The following TAX1BP1 variants were observed in gnomAD, a reference collection of about 807,000 sequenced individuals.
TAX1BP1 encodes Tax1 binding protein 1, also known as tax1-binding protein 1.
Under a neutral mutation model 97.7 loss-of-function variants are expected in TAX1BP1, and 62 were observed. The observed-to-expected ratio is 0.63, with a 90% CI of 0.52 to 0.78. TAX1BP1 has a LOEUF of 0.78. Ranked by LOEUF, TAX1BP1 falls within the 30% of genes least tolerant of loss-of-function variation. TAX1BP1 has a pLI of 0.00. For missense variants in TAX1BP1, 867 were observed against 916.1 expected, an observed-to-expected ratio of 0.95 and a Z score of 0.69; for synonymous variants, 340 against 304.2, an observed-to-expected ratio of 1.12 and a Z score of -1.23.
chr7:27,748,568 C>T lies in TAX1BP1; in HGVS notation c.44C>T (p.Ala15Val). 1 of 1,603,594 alleles carries T rather than the reference C, an allele frequency of 6.2e-7. No homozygotes were observed. The highest frequency in any genetic ancestry group is 8.5e-7 in the Non-Finnish European group (1 of 1,174,176). The change falls in exon 2 of 17, where the codon GCC becomes GTC. Residue 15 changes from alanine to valine, a missense_variant. Ala to Val is a moderately conservative substitution (Grantham distance 64). Coordinates refer to ENST00000396319, the MANE Select transcript of TAX1BP1 (RefSeq NM_006024.7). ...QEVPLQTSNF[A>V]HVIFQNVAKS... Reference sequence around the variant, plus strand: ...GTCCCATTGCAGACTTCCAACTTTGCCCATGTCATCTTTCAAAATGTGGCC... The same window carrying T: ...GTCCCATTGCAGACTTCCAACTTTGTCCATGTCATCTTTCAAAATGTGGCC...
intron 13 of TAX1BP1, among the ~76,000 whole-genome samples, chr7:27,809,707 G>A: frequency 6.6e-6 from 1 of 151,994 alleles, no homozygotes; most frequent in Non-Finnish European, 1.5e-5. Context: ...TGATGGTAGA[G>A]TAGGCATATT....
chr7:27,773,296 A>T (rs1438483532), intron 5 of TAX1BP1, among the ~76,000 whole-genome samples: 1 of 152,118 alleles, frequency 6.6e-6, no homozygotes, highest in Non-Finnish European at 1.5e-5. Flanking sequence ...CTTTATTGAG[A>T]TGTCATTTGT....
At chr7:27,796,599 C>A (rs954258316) in intron 12 of TAX1BP1, among the ~76,000 whole-genome samples, 5 of 152,172 alleles carry the variant, frequency 3.3e-5, no homozygotes, top group African/African-American at 1.2e-4. Flanking sequence ...CGGTGGCTCA[C>A]GCCTGTAATC....
rs777281718 is a variant in TAX1BP1, at chr7:27,828,842, A to G, written c.*13A>G. 3 of 1,286,770 alleles carry G rather than the reference A, an allele frequency of 2.3e-6. No homozygotes were observed. The highest frequency in any genetic ancestry group is 1.8e-5 in the Admixed American group (1 of 54,304). The allele number at this position is 1,286,770 out of a possible 1,614,324, so 79.7% of individuals were successfully genotyped here. A position where few individuals can be genotyped will look rare whatever the true frequency, so the allele number is the denominator to read the frequency against. ...AAATTTTGACTAGTTACTTTTTATTATGAGTTAATATAGTTTAGCAGTAAA... is the reference window on the plus strand; with the variant it reads ...AAATTTTGACTAGTTACTTTTTATTGTGAGTTAATATAGTTTAGCAGTAAA... On this transcript the variant is annotated 3_prime_UTR_variant, in exon 17 of 17. Transcript: ENST00000396319.
rs1789450992 is a variant in TAX1BP1, at chr7:27,785,624, C to T, written c.852+135C>T. 6 of 711,266 alleles carry T rather than the reference C, an allele frequency of 8.4e-6. No individual in the cohort carries two copies. The South Asian group carries it at 1.2e-4, about 14-fold the overall frequency. The allele number at this position is 711,266 out of a possible 1,614,324, so 44.1% of individuals were successfully genotyped here. A position where few individuals can be genotyped will look rare whatever the true frequency, so the allele number is the denominator to read the frequency against. On this transcript the variant is annotated intron_variant, in intron 7 of 16. Coordinates refer to ENST00000396319, the MANE Select transcript of TAX1BP1 (RefSeq NM_006024.7). ...CTCTAGCCTCTTGTGTAGTTGCAGT[C>T]AGGATGTTGGCAAGGGGTGCAGTCA...
Position 27,785,194 on chromosome 7 carries a change from T to A in TAX1BP1, c.644T>A (p.Met215Lys). 1 of 1,611,216 alleles carries A rather than the reference T, an allele frequency of 6.2e-7. No homozygotes were observed. ...GLTEVTQSLK[M>K]ENEEFKKRFS... ...ACTGAAGTAACACAAAGCTTAAAAATGGAAAATGAAGAGTTTAAGAAGAGG... is the reference window on the plus strand; with the variant it reads ...ACTGAAGTAACACAAAGCTTAAAAAAGGAAAATGAAGAGTTTAAGAAGAGG... The change falls in exon 6 of 17, where the codon ATG becomes AAG. Residue 215 changes from methionine (M) to lysine (K), a missense_variant. By Grantham distance (95) the Met-to-Lys change is moderately conservative. Around this residue, in one of 3 missense-constraint regions of TAX1BP1, gnomAD observed 822 missense variants for 851.4 expected, o/e 0.97. Coordinates refer to ENST00000396319, the MANE Select transcript of TAX1BP1 (RefSeq NM_006024.7).
intron 13 of TAX1BP1, among the ~76,000 whole-genome samples, chr7:27,810,620 G>A (rs1415589395): frequency 6.6e-6 from 1 of 152,150 alleles, no homozygotes; most frequent in East Asian, 1.9e-4. Context: ...TTGTATGACA[G>A]ATTTGACACA....
Position 27,816,491 on chromosome 7 carries a change from G to T in TAX1BP1, c.1907G>T (p.Gly636Val). ...LSNAQPVLQY[G>V]NPYASQETRD... is the part of the protein sequence containing the mutation. ...AATGCACAACCAGTTCTGCAATATG[G>T]TAATCCTTATGCATCTCAGGAAACA... Residue 636 changes from glycine to valine, a missense_variant, in exon 14 of 17, where the codon GGT becomes GTT. Around this residue, in one of 3 missense-constraint regions of TAX1BP1, gnomAD observed 822 missense variants for 851.4 expected, o/e 0.97. Transcript: ENST00000396319. 6.4e-7 allele frequency: 1 copy of T among 1,551,970 alleles called. No homozygotes were observed. The highest frequency in any genetic ancestry group is 2.4e-5 in the East Asian group (1 of 41,386).
At chr7:27,809,954 C>T (rs1790490641) in intron 13 of TAX1BP1, among the ~76,000 whole-genome samples, 1 of 151,766 alleles carries the variant, frequency 6.6e-6, no homozygotes, top group Non-Finnish European at 1.5e-5. Context: ...GTCACCTAGG[C>T]TGGAGTGCAG....
At chr7:27,812,356 G>T (rs569943630) in intron 13 of TAX1BP1, among the ~76,000 whole-genome samples, 19 of 152,014 alleles carry the variant, frequency 1.2e-4, no homozygotes, top group Admixed American at 8.5e-4. Flanking sequence ...GTCATCTTTG[G>T]TTGCGACAGT....
intron 10 of TAX1BP1, among the ~76,000 whole-genome samples, chr7:27,793,689 A>G (rs138388128): frequency 2.0e-5 from 3 of 152,194 alleles, no homozygotes; most frequent in African/African-American, 4.8e-5. Context: ...TTTTTATTCC[A>G]TTTGAGAATA....
chr7:27,785,699 C>T (rs767626890), intron 7 of TAX1BP1, among the ~76,000 whole-genome samples: 23 of 152,116 alleles, frequency 1.5e-4, no homozygotes, highest in Non-Finnish European at 3.4e-4. Context: ...ATGGCTTACT[C>T]CAGTGGCTTT....
At chr7:27,820,317 C>T (rs546234150) in intron 15 of TAX1BP1, among the ~76,000 whole-genome samples, 7 of 152,152 alleles carry the variant, frequency 4.6e-5, no homozygotes, top group Admixed American at 6.6e-5. Flanking sequence ...CCCTAAACTG[C>T]AGACATTTTT....
intron 5 of TAX1BP1, among the ~76,000 whole-genome samples, chr7:27,781,910 G>A (rs1789273162): frequency 6.6e-6 from 1 of 151,854 alleles, no homozygotes; most frequent in Non-Finnish European, 1.5e-5. Flanking sequence ...GTAGAGACAG[G>A]GTTTCACCAT....
chr7:27,778,769 G>C lies in TAX1BP1; in HGVS notation c.613-6394G>C, dbSNP rs567877714. Among the ~76,000 whole-genome samples the C allele has an allele frequency of 3.3e-5, 5 of 151,882 alleles. No individual in the cohort carries two copies. In the South Asian group the frequency reaches 1.0e-3, roughly 32 times the overall value. On this transcript the variant is annotated intron_variant, in intron 5 of 16. Coordinates refer to ENST00000396319, the MANE Select transcript of TAX1BP1 (RefSeq NM_006024.7). ...TCCTGCTACTCGGGAGGCTGAGGTA[G>C]GAGAATTGCTTGAACCTGCGAGGTG...
chr7:27,808,555 ACT>A (rs768011858), intron 13 of TAX1BP1, among the ~76,000 whole-genome samples: 2 of 151,964 alleles, frequency 1.3e-5, no homozygotes, highest in Admixed American at 6.6e-5. Flanking sequence ...GCGCTCCTTT[ACT>A]CTCAGAACAT....
intron 11 of TAX1BP1, among the ~76,000 whole-genome samples, chr7:27,795,285 T>G (rs1343420721): frequency 6.6e-6 from 1 of 151,976 alleles, no homozygotes; most frequent in Non-Finnish European, 1.5e-5. Flanking sequence ...AAAGACTTAG[T>G]GGTAATGAAG....
At chr7:27,796,365 T>C in intron 12 of TAX1BP1, 146 bp downstream of exon 12, 1 of 638,364 alleles carries the variant, frequency 1.6e-6, no homozygotes, top group Admixed American at 3.8e-5. Context: ...TTTGGGATGA[T>C]GAGGTGGGCG....
At chr7:27,755,133 G>A (rs1030260946) in intron 2 of TAX1BP1, among the ~76,000 whole-genome samples, 5 of 152,060 alleles carry the variant, frequency 3.3e-5, no homozygotes, top group Non-Finnish European at 7.4e-5. Context: ...AAGCTACATT[G>A]TATACAGAAG....
Sources: allele counts gnomAD v4.1 joint callset (sites outside exome capture counted in the v4.1 genomes callset), GRCh38; gene constraint gnomAD v4.1.1; regional missense constraint gnomAD v4.1.1; transcripts MANE v1.5; gene names NCBI Gene and HGNC (gene_info 2026-07-23, HGNC 2026-07-21).